The following VIL1 variants were observed in gnomAD, a reference collection of about 807,000 sequenced individuals.
VIL1 encodes villin 1, also known as villin-1.
A neutral mutation model predicts 104.0 loss-of-function variants in VIL1; 86 were observed. The observed-to-expected ratio is 0.83, with a 90% CI of 0.69 to 0.99. VIL1 has a LOEUF of 0.99. Among genes scored for constraint, VIL1 ranks in the 50% least tolerant of loss-of-function variants. The probability of loss-of-function intolerance (pLI) is 0.00; values close to 1 mark genes in which losing one functional copy is unlikely to be tolerated. For missense variants in VIL1, 944 were observed against 1,054.1 expected, an observed-to-expected ratio of 0.90 and a Z score of 1.45; for synonymous variants, 394 against 412.6, an observed-to-expected ratio of 0.95 and a Z score of 0.55.
chr2:218,443,077 G>A (rs1037507057), intron 19 of VIL1, among the ~76,000 whole-genome samples: 4 of 152,162 alleles, frequency 2.6e-5, no homozygotes, highest in Non-Finnish European at 5.9e-5. Context: ...TGAGAAAACT[G>A]AAGTCCAGAG....
At chr2:218,423,682 G>T in intron 1 of VIL1, 86 bp from the exon 2 acceptor site, 1 of 1,370,404 alleles carries the variant, frequency 7.3e-7, no homozygotes, top group East Asian at 2.4e-5. Flanking sequence ...GCGACCTCCT[G>T]GCACTGTTGG....
At position 218,450,543 on chromosome 2, in the gene VIL1, A is replaced by C. The variant is rs1447794880; in HGVS notation, c.*1207A>C. Reference sequence around the variant, plus strand: ...TTTTTGTTTTTCTCTCCTTAAGTTTAAAGAAACAACAATGACAATAGGCCA... The same window carrying C: ...TTTTTGTTTTTCTCTCCTTAAGTTTCAAGAAACAACAATGACAATAGGCCA... On this transcript the variant is annotated 3_prime_UTR_variant, in exon 20 of 20. Coordinates refer to ENST00000248444, the MANE Select transcript of VIL1 (RefSeq NM_007127.3). 1.3e-5 allele frequency: 2 copies of C among 152,674 alleles called. No individual in the cohort carries two copies. The highest frequency in any genetic ancestry group is 2.4e-5 in the African/African-American group (1 of 41,474). The allele number at this position is 152,674 out of a possible 1,614,324, so 9.5% of individuals were successfully genotyped here. A position where few individuals can be genotyped will look rare whatever the true frequency, so the allele number is the denominator to read the frequency against.
intron 10 of VIL1, 52 bp from the exon 11 acceptor site, chr2:218,431,805 C>A: frequency 6.7e-7 from 1 of 1,497,116 alleles, no homozygotes; most frequent in Admixed American, 1.8e-5. Flanking sequence ...GTTGTGAGGA[C>A]CTGGGAGACC....
chr2:218,430,210 C>T (rs1689071592), intron 9 of VIL1, among the ~76,000 whole-genome samples: 1 of 152,164 alleles, frequency 6.6e-6, no homozygotes, highest in South Asian at 2.1e-4. Flanking sequence ...AGGATGTGGG[C>T]TCTCACCTCC....
At chr2:218,438,910 A>G (rs1191654856) in intron 18 of VIL1, among the ~76,000 whole-genome samples, 184 bp downstream of exon 18, 2 of 144,246 alleles carry the variant, frequency 1.4e-5, no homozygotes, top group Non-Finnish European at 3.0e-5. Context: ...TCAATTTCCT[A>G]GTGAAATGGT....
At chr2:218,441,286 G>A (rs143356464) in intron 19 of VIL1, among the ~76,000 whole-genome samples, 1,937 of 151,958 alleles carry the variant, frequency 0.013, 48 homozygotes, top group African/African-American at 0.045. Flanking sequence ...CTACTCGGGA[G>A]GCTGAGCCAT....
chr2:218,443,142 C>A lies in VIL1; in HGVS notation c.2370+2280C>A, dbSNP rs545344692. ...TTAGTTGCAAAGCCAGAGCAAGAAC[C>A]AGGCCTTCAGAGTCCCACTGTTACC... On this transcript the variant is annotated intron_variant, in intron 19 of 19. Transcript: ENST00000248444. Among the ~76,000 whole-genome samples the A allele has an allele frequency of 3.7e-4, 56 of 152,000 alleles. 1 individual carries two copies. Among genetic ancestry groups the A allele is most frequent in the Non-Finnish European group, 5.0e-4 (34 of 68,020 alleles).
chr2:218,448,085 CTT>C (rs1689394908), intron 19 of VIL1, among the ~76,000 whole-genome samples: 1 of 151,860 alleles, frequency 6.6e-6, no homozygotes, highest in Non-Finnish European at 1.5e-5. Context: ...CATGGTGAAA[CTT>C]GATCTCTACA....
chr2:218,437,728 ACG>A (rs1328799496), intron 17 of VIL1, among the ~76,000 whole-genome samples: 2 of 152,216 alleles, frequency 1.3e-5, no homozygotes, highest in African/African-American at 2.4e-5. Context: ...CAGCTGAAAC[ACG>A]TTGGTTCTAA....
intron 1 of VIL1, among the ~76,000 whole-genome samples, chr2:218,421,982 G>A (rs1021279232): frequency 1.3e-5 from 2 of 152,166 alleles, no homozygotes; most frequent in African/African-American, 2.4e-5. Flanking sequence ...GGCCCGGCGC[G>A]GTGGCTCACG....
chr2:218,421,981 C>A (rs990246034), intron 1 of VIL1, among the ~76,000 whole-genome samples: 1 of 152,208 alleles, frequency 6.6e-6, no homozygotes, highest in South Asian at 2.1e-4. Context: ...GGGCCCGGCG[C>A]GGTGGCTCAC....
intron 1 of VIL1, among the ~76,000 whole-genome samples, chr2:218,421,401 A>G (rs571319246): frequency 8.3e-4 from 127 of 152,274 alleles, no homozygotes; most frequent in African/African-American, 2.7e-3. Context: ...CAGAAGAGAA[A>G]GTACCAGGAG....
intron 2 of VIL1, 107 bp downstream of exon 2, chr2:218,423,960 A>G: frequency 7.5e-7 from 1 of 1,331,366 alleles, no homozygotes; most frequent in Admixed American, 1.9e-5. Context: ...TCCTGCCCTG[A>G]AGCCCCTGAG....
intron 1 of VIL1, among the ~76,000 whole-genome samples, chr2:218,420,428 CAAAAAAA>C (rs71064447): frequency 1.2e-5 from 1 of 80,234 alleles, no homozygotes; most frequent in Non-Finnish European, 2.3e-5. Flanking sequence ...GACTCTGTCT[CAAAAAAA>C]AAAAAAAAAA....
intron 3 of VIL1, 124 bp from the exon 4 acceptor site, chr2:218,425,491 T>C: frequency 1.1e-6 from 1 of 903,468 alleles, no homozygotes; most frequent in Non-Finnish European, 1.7e-6. Flanking sequence ...ACCGCCAGCC[T>C]AGTGCACTTG....
At position 218,431,952 on chromosome 2, in the gene VIL1, G is replaced by A. The variant is rs1173843923; in HGVS notation, c.1198G>A (p.Val400Met). 3 of 1,613,926 alleles carry A rather than the reference G, an allele frequency of 1.9e-6. No homozygotes were observed. The highest frequency in any genetic ancestry group is 1.3e-5 in the African/African-American group (1 of 74,902). Reference sequence around the variant, plus strand: ...GATGGTAGATGATGGGAGTGGGGAAGTGCAGGTATGTGAGGGCAGAGAGGC... The same window carrying A: ...GATGGTAGATGATGGGAGTGGGGAAATGCAGGTATGTGAGGGCAGAGAGGC... ...QKMVDDGSGE[V>M]QVWRIENLEL... Residue 400 changes from valine (V) to methionine (M), a missense_variant, in exon 11 of 20, where the codon GTG (valine) becomes ATG (methionine). Coordinates refer to ENST00000248444, the MANE Select transcript of VIL1 (RefSeq NM_007127.3).
intron 14 of VIL1, 62 bp from the exon 15 acceptor site, chr2:218,435,227 A>C: frequency 6.3e-7 from 1 of 1,581,488 alleles, no homozygotes; most frequent in Non-Finnish European, 8.6e-7. Flanking sequence ...TGGGCAGTGA[A>C]TGTAGTAGGA....
chr2:218,438,662 C>T lies in VIL1; in HGVS notation c.2165C>T (p.Thr722Ile), dbSNP rs1170695409. 1.9e-6 allele frequency: 3 copies of T among 1,611,874 alleles called. No individual in the cohort carries two copies. Among genetic ancestry groups the T allele is most frequent in the South Asian group, 1.1e-5 (1 of 90,264 alleles). ...TGTTATTTACTTTATGTGCAGAACACCAAATCCTATGAGGACCTGAAGGCG... is the reference window on the plus strand; with the variant it reads ...TGTTATTTACTTTATGTGCAGAACATCAAATCCTATGAGGACCTGAAGGCG... ...LAWDPFKWSN[T>I]KSYEDLKAEL... The change falls in exon 18 of 20, where the codon ACC (threonine) becomes ATC (isoleucine). Residue 722 changes from threonine to isoleucine, a missense_variant. By Grantham distance (89) the Thr-to-Ile change is moderately conservative. Transcript: ENST00000248444.
rs1689423962 is a variant in VIL1 at position 218,449,208 on chromosome 2, C to T, written c.2371-15C>T. The T allele has an allele frequency of 1.2e-6, 2 of 1,602,612 alleles. No individual in the cohort carries two copies. The highest frequency in any genetic ancestry group is 3.3e-4 in the Middle Eastern group (2 of 6,042). Reference sequence around the variant, plus strand: ...GATATGTGACCTTTGCCCTCTGGTCCCTCTCTTCTTCTAGGAACACCTGTC... The same window carrying T: ...GATATGTGACCTTTGCCCTCTGGTCTCTCTCTTCTTCTAGGAACACCTGTC... On this transcript the variant is annotated splice_polypyrimidine_tract_variant and intron_variant, in intron 19 of 19. Coordinates refer to ENST00000248444, the MANE Select transcript of VIL1 (RefSeq NM_007127.3).
Sources: allele counts gnomAD v4.1 joint callset (sites outside exome capture counted in the v4.1 genomes callset), GRCh38; gene constraint gnomAD v4.1.1; transcripts MANE v1.5; gene names NCBI Gene and HGNC (gene_info 2026-07-23, HGNC 2026-07-21).